Variants in EFCAB6 observed in about 807,000 individuals in gnomAD.
EFCAB6 encodes EF-hand calcium binding domain 6.
A neutral mutation model predicts 169.8 loss-of-function variants in EFCAB6; 156 were observed. The observed-to-expected ratio is 0.92, with a 90% CI of 0.81 to 1.05. The LOEUF (loss-of-function observed/expected upper bound fraction) is 1.05, where lower values mean the gene tolerates loss of function less well. Among genes scored for constraint, EFCAB6 ranks in the 50% least tolerant of loss-of-function variants. The pLI is 0.00. For synonymous variants in EFCAB6, 698 were observed against 676.4 expected, an observed-to-expected ratio of 1.03 and a Z score of -0.50; for missense variants, 1,800 against 1,829.1, an observed-to-expected ratio of 0.98 and a Z score of 0.29.
intron 21 of EFCAB6, among the ~76,000 whole-genome samples, chr22:43,611,522 C>A (rs144080248): frequency 1.3e-5 from 2 of 152,244 alleles, no homozygotes; most frequent in African/African-American, 4.8e-5. Context: ...TGGGACTAGG[C>A]GTGGTGGCTC....
chr22:43,616,608 G>A (rs577314505), intron 20 of EFCAB6, among the ~76,000 whole-genome samples: 1 of 128 alleles, frequency 7.8e-3, no homozygotes, highest in East Asian at 0.17. Flanking sequence ...AGGTTGCAGT[G>A]AGCTGAGATT....
rs552217397 is a variant in EFCAB6, at chr22:43,765,447, T to C, written c.352-54A>G. On this transcript the variant is annotated intron_variant, in intron 4 of 31. Transcript: ENST00000262726. ...TGTTAGAGAATTAAGATCCAAGCAA[T>C]AGACGGTAAAGCAGATTTCTAAATC... 2.4e-5 allele frequency: 34 copies of C among 1,390,420 alleles called. No homozygotes were observed. The East Asian group carries it at 3.3e-4, about 13-fold the overall frequency. 86.1% of individuals were successfully genotyped at this position (1,390,420 alleles called of 1,614,324 possible). A position where few individuals can be genotyped will look rare whatever the true frequency, so the allele number is the denominator to read the frequency against.
At chr22:43,669,192 T>C (rs1325655678) in intron 15 of EFCAB6, 147 bp from the exon 16 acceptor site, 1 of 622,154 alleles carries the variant, frequency 1.6e-6, no homozygotes, top group Non-Finnish European at 2.5e-6. Flanking sequence ...CACTCCATTC[T>C]TAGGCATTTA....
rs1188576660 is a variant in EFCAB6, at chr22:43,546,427, T to C, written c.3649-6070A>G. On this transcript the variant is annotated intron_variant, in intron 27 of 31. Transcript: ENST00000262726. Reference sequence around the variant, plus strand: ...CACAGTTTCAGATGCAGTAGACACGTCTGGCAGAACATAAAGGCGCGGCCT... The same window carrying C: ...CACAGTTTCAGATGCAGTAGACACGCCTGGCAGAACATAAAGGCGCGGCCT... 2.6e-5 allele frequency among the ~76,000 whole-genome samples: 4 copies of C among 152,136 alleles called. No individual in the cohort carries two copies. In the South Asian group the frequency reaches 8.3e-4, roughly 32 times the overall value.
intron 27 of EFCAB6, 94 bp from the exon 28 acceptor site, chr22:43,540,451 C>T: frequency 6.3e-7 from 1 of 1,589,728 alleles, no homozygotes; most frequent in Non-Finnish European, 8.5e-7. Context: ...GCCGGCCTCG[C>T]AGGAGGTGAG....
At chr22:43,745,300 C>T (rs150917016) in intron 6 of EFCAB6, among the ~76,000 whole-genome samples, 49 of 152,326 alleles carry the variant, frequency 3.2e-4, no homozygotes, top group African/African-American at 1.1e-3. Context: ...ATTCCCACTC[C>T]GCCTGGAAAA....
chr22:43,734,093 G>A (rs539449381), intron 7 of EFCAB6, among the ~76,000 whole-genome samples: 300 of 152,244 alleles, frequency 2.0e-3, no homozygotes, highest in African/African-American at 7.0e-3. Context: ...AGAGAGCACA[G>A]ACTTCACCTC....
At chr22:43,674,719 G>C (rs775653195) in intron 13 of EFCAB6, among the ~76,000 whole-genome samples, 7 of 152,142 alleles carry the variant, frequency 4.6e-5, no homozygotes, top group African/African-American at 1.7e-4. Context: ...CATTTTATGC[G>C]CATTATCCTG....
chr22:43,542,364 G>A (rs1187703647), intron 27 of EFCAB6, among the ~76,000 whole-genome samples: 1 of 152,190 alleles, frequency 6.6e-6, no homozygotes, highest in African/African-American at 2.4e-5. Context: ...AGGATCACCT[G>A]AGGTCAGGCG....
At chr22:43,754,295 T>C (rs139418175) in intron 6 of EFCAB6, among the ~76,000 whole-genome samples, 228 of 152,268 alleles carry the variant, frequency 1.5e-3, no homozygotes, top group African/African-American at 5.4e-3. Flanking sequence ...AAAAACCTAA[T>C]GATGAGGGCT....
chr22:43,669,363 C>A (rs1002565820), intron 15 of EFCAB6, among the ~76,000 whole-genome samples: 2 of 152,172 alleles, frequency 1.3e-5, no homozygotes, highest in African/African-American at 4.8e-5. Flanking sequence ...TAAACCCATT[C>A]AATGGAATAC....
intron 2 of EFCAB6, among the ~76,000 whole-genome samples, chr22:43,798,533 T>C (rs1253287085): frequency 6.6e-6 from 1 of 152,196 alleles, no homozygotes; most frequent in Non-Finnish European, 1.5e-5. Context: ...ACGACCTCTG[T>C]TGTCCTTCAT....
chr22:43,585,910 C>T (rs1033596661), intron 24 of EFCAB6, among the ~76,000 whole-genome samples: 2 of 152,084 alleles, frequency 1.3e-5, no homozygotes, highest in African/African-American at 2.4e-5. Flanking sequence ...ACCTAGAATG[C>T]TAAATCCAGT....
intron 10 of EFCAB6, among the ~76,000 whole-genome samples, chr22:43,700,603 T>C (rs1302832467): frequency 3.3e-5 from 5 of 152,202 alleles, no homozygotes; most frequent in Admixed American, 6.5e-5. Flanking sequence ...GGTCCCCTCG[T>C]GCTGCACCTG....
At chr22:43,589,000 T>C (rs916534649) in intron 24 of EFCAB6, among the ~76,000 whole-genome samples, 1 of 151,978 alleles carries the variant, frequency 6.6e-6, no homozygotes, top group Admixed American at 6.6e-5. Flanking sequence ...CTGAGGGGGC[T>C]GAGATGGTTG....
intron 2 of EFCAB6, among the ~76,000 whole-genome samples, chr22:43,784,346 A>C (rs2061933154): frequency 1.3e-5 from 2 of 151,502 alleles, no homozygotes; most frequent in Admixed American, 1.3e-4. Flanking sequence ...AGAAATGTTA[A>C]AAGGAATTCT....
At chr22:43,767,227 T>C (rs539480729) in intron 4 of EFCAB6, among the ~76,000 whole-genome samples, 1 of 152,256 alleles carries the variant, frequency 6.6e-6, no homozygotes, top group African/African-American at 2.4e-5. Context: ...TGCAGTCTTC[T>C]CCAAAGGATG....
At chr22:43,622,288 C>A (rs952858016) in intron 20 of EFCAB6, among the ~76,000 whole-genome samples, 2 of 152,128 alleles carry the variant, frequency 1.3e-5, no homozygotes, top group Non-Finnish European at 2.9e-5. Context: ...CTCATTCTGG[C>A]ATGCAGTGGC....
Position 43,791,298 on chromosome 22 carries a change from G to A in EFCAB6, c.-7-8973C>T, listed in dbSNP as rs114204052. Among the ~76,000 whole-genome samples, 307 of 151,990 alleles carry A rather than the reference G, an allele frequency of 2.0e-3. 1 individual carries two copies. Among genetic ancestry groups the A allele is most frequent in the Middle Eastern group, 6.8e-3 (2 of 292 alleles). On this transcript the variant is annotated intron_variant, in intron 2 of 31. Coordinates refer to ENST00000262726, the MANE Select transcript of EFCAB6 (RefSeq NM_022785.4). ...TGAGGTGGGAGGATCGCTTAAACCCGGCAGGTGGAGGTTGCAGTGAGCGGA... is the reference window on the plus strand; with the variant it reads ...TGAGGTGGGAGGATCGCTTAAACCCAGCAGGTGGAGGTTGCAGTGAGCGGA...
Sources: gnomAD v4.1 joint callset for allele counts (sites outside exome capture counted in the v4.1 genomes callset) on GRCh38, gnomAD v4.1.1 for gene constraint, MANE v1.5 for transcripts, NCBI Gene and HGNC (gene_info 2026-07-23, HGNC 2026-07-21) for gene names.